The following KCNK12 variants were observed in gnomAD, a reference collection of about 807,000 sequenced individuals.
KCNK12 encodes the protein potassium two pore domain channel subfamily K member 12, also known as potassium channel subfamily K member 12.
In KCNK12, 6 loss-of-function variants were observed where a neutral mutation model predicts 25.3. The observed-to-expected ratio is 0.24, with a 90% CI of 0.13 to 0.47. The LOEUF (loss-of-function observed/expected upper bound fraction) is 0.47. Among genes scored for constraint, KCNK12 ranks in the 20% least tolerant of loss-of-function variants. The pLI, the probability that KCNK12 is intolerant of heterozygous loss-of-function variation, is 0.99. For synonymous variants in KCNK12, 331 were observed against 311.1 expected, an observed-to-expected ratio of 1.06 and a Z score of -0.67; for missense variants, 444 against 661.7, an observed-to-expected ratio of 0.67 and a Z score of 3.61.
At position 47,566,798 on chromosome 2, in the gene KCNK12, G is replaced by C. The variant is rs1009464673; in HGVS notation, c.391+3143C>G. Reference sequence around the variant, plus strand: ...TCCCACCAATTATATGCATGAAATTGGTGGATATTGCACAACTTGGTTTCT... The same window carrying C: ...TCCCACCAATTATATGCATGAAATTCGTGGATATTGCACAACTTGGTTTCT... On this transcript the variant is annotated intron_variant, in intron 1 of 1. Coordinates refer to ENST00000327876, the MANE Select transcript of KCNK12 (RefSeq NM_022055.2). This position sits in a 1 kb window ranked among gnomAD's most constrained non-coding sequence, Gnocchi z 4.1. The C allele has an allele frequency of 6.6e-6, 1 of 152,082 alleles. No individual in the cohort carries two copies. Among genetic ancestry groups the C allele is most frequent in the Non-Finnish European group, 1.5e-5 (1 of 68,024 alleles). The allele number at this position is 152,082 out of a possible 1,614,324, so 9.4% of individuals were successfully genotyped here. A position where few individuals can be genotyped will look rare whatever the true frequency, so the allele number is the denominator to read the frequency against.
intron 1 of KCNK12, among the ~76,000 whole-genome samples, chr2:47,544,604 A>G (rs926271517): frequency 2.0e-5 from 3 of 152,226 alleles, no homozygotes; most frequent in African/African-American, 7.2e-5. Flanking sequence ...TAGGCTCAGT[A>G]TGAGCACTCT....
Position 47,509,488 on chromosome 2 carries a change from G to T in KCNK12, c.*11419C>A, listed in dbSNP as rs1668348221. On this transcript the variant is annotated 3_prime_UTR_variant, in exon 2 of 2. Coordinates refer to ENST00000327876, the MANE Select transcript of KCNK12 (RefSeq NM_022055.2). ...GGCTGCCAACACGTCAGTTGTATCA[G>T]CATTAGCTGGCTGGAGGTGGCCTGC... is the stretch of plus-strand genomic sequence containing the variant. 6.6e-6 allele frequency among the ~76,000 whole-genome samples: 1 copy of T among 152,236 alleles called. No homozygotes were observed. Among genetic ancestry groups the T allele is most frequent in the African/African-American group, 2.4e-5 (1 of 41,462 alleles).
At chr2:47,535,293 C>T (rs889220076) in intron 1 of KCNK12, 29 of 233,128 alleles carry the variant, frequency 1.2e-4, no homozygotes, top group Non-Finnish European at 1.7e-5. Flanking sequence ...CGACCTGCAC[C>T]TGCCCTATGG....
Position 47,512,411 on chromosome 2 carries a change from C to G in KCNK12, c.*8496G>C, listed in dbSNP as rs1397887500. 5 of 1,610,598 alleles carry G rather than the reference C, an allele frequency of 3.1e-6. No homozygotes were observed. The highest frequency in any genetic ancestry group is 4.2e-6 in the Non-Finnish European group (5 of 1,178,948). ...TTGCAGTCGGCCAGAGAGACAGAAC[C>G]AGGGCAGTGGTGAGCTCTCATGACC... On this transcript the variant is annotated 3_prime_UTR_variant, in exon 2 of 2. Transcript: ENST00000327876.
Position 47,569,130 on chromosome 2 carries a change from A to G in KCNK12, c.391+811T>C, listed in dbSNP as rs1248844640. 1.3e-5 allele frequency among the ~76,000 whole-genome samples: 2 copies of G among 152,182 alleles called. No homozygotes were observed. Among genetic ancestry groups the G allele is most frequent in the Non-Finnish European group, 2.9e-5 (2 of 68,040 alleles). On this transcript the variant is annotated intron_variant, in intron 1 of 1. Coordinates refer to ENST00000327876, the MANE Select transcript of KCNK12 (RefSeq NM_022055.2). The surrounding 1 kb of genome is among the most constrained non-coding windows in gnomAD (Gnocchi z 4.1). The stretch of plus-strand genomic sequence containing the variant: ...AAGGAGTATTGACACAGCATTCTTC[A>G]TAAGGTTGAGAAAACGTGAACTGTT...
rs1668545992 is a variant in KCNK12 at position 47,517,179 on chromosome 2, C to T, written c.*3728G>A. 2.6e-5 allele frequency: 4 copies of T among 152,126 alleles called. No homozygotes were observed. The highest frequency in any genetic ancestry group is 2.0e-4 in the Admixed American group (3 of 15,278). 9.4% of individuals were successfully genotyped at this position (152,126 alleles called of 1,614,324 possible). ...TGTAAAAAGTTACAGTAAGATCGAA[C>T]CACAGGGCCCGTCGCTCCTATGGTC... On this transcript the variant is annotated 3_prime_UTR_variant, in exon 2 of 2. Coordinates refer to ENST00000327876, the MANE Select transcript of KCNK12 (RefSeq NM_022055.2). This position sits in a 1 kb window ranked among gnomAD's most constrained non-coding sequence, Gnocchi z 4.1.
intron 1 of KCNK12, among the ~76,000 whole-genome samples, chr2:47,522,326 T>C (rs375121434): frequency 4.6e-5 from 7 of 152,334 alleles, no homozygotes; most frequent in Admixed American, 1.3e-4. Flanking sequence ...TTCAAAGATA[T>C]CTAGCTTCTT....
rs767773390 is a variant in KCNK12 at position 47,521,057 on chromosome 2, C to T, written c.1143G>A (p.Ser381=). ...ACAGCTGCTTCTGCAGCAGCGCCAG[C>T]GACACCTTGTTGGAGGCCGTGAGGT... ...MRDLTASNKV[S]LALLQKQLSE... Residue 381 remains serine, a synonymous_variant, in exon 2 of 2, where the codon TCG becomes TCA. Transcript: ENST00000327876. The T allele has an allele frequency of 1.4e-6, 2 of 1,390,464 alleles. No individual in the cohort carries two copies. The highest frequency in any genetic ancestry group is 6.2e-5 in the East Asian group (2 of 32,490). The allele number at this position is 1,390,464 out of a possible 1,614,324, so 86.1% of individuals were successfully genotyped here.
At chr2:47,535,727 A>C (rs114051757) in intron 1 of KCNK12, among the ~76,000 whole-genome samples, 1,898 of 151,812 alleles carry the variant, frequency 0.013, 18 homozygotes, top group Non-Finnish European at 0.019. Context: ...GCCCCACTCC[A>C]CCTCTTGAGG....
In KCNK12 at chr2:47,566,499, A is replaced by G. The variant is rs1669790099; in HGVS notation, c.391+3442T>C. The G allele has an allele frequency of 6.6e-6, 1 of 152,084 alleles. No individual in the cohort carries two copies. The highest frequency in any genetic ancestry group is 1.5e-5 in the Non-Finnish European group (1 of 68,010). 9.4% of individuals were successfully genotyped at this position (152,084 alleles called of 1,614,324 possible). On this transcript the variant is annotated intron_variant, in intron 1 of 1. Coordinates refer to ENST00000327876, the MANE Select transcript of KCNK12 (RefSeq NM_022055.2). The surrounding 1 kb of genome is among the most constrained non-coding windows in gnomAD (Gnocchi z 4.1). Reference sequence around the variant, plus strand: ...AGCAAGTGACTTCTGTCCTTAGACCACAGTTTGCCAGAAGTTCTCCTACTT... The same window carrying G: ...AGCAAGTGACTTCTGTCCTTAGACCGCAGTTTGCCAGAAGTTCTCCTACTT...
chr2:47,565,471 A>C lies in KCNK12; in HGVS notation c.391+4470T>G, dbSNP rs1016123857. On this transcript the variant is annotated intron_variant, in intron 1 of 1. Coordinates refer to ENST00000327876, the MANE Select transcript of KCNK12 (RefSeq NM_022055.2). The surrounding 1 kb of genome is among the most constrained non-coding windows in gnomAD (Gnocchi z 5.0). Reference sequence around the variant, plus strand: ...GTAGCAAGCTAAATTATGCAGTGCCAAAAGTGACAACTCTTATACCTACAC... The same window carrying C: ...GTAGCAAGCTAAATTATGCAGTGCCCAAAGTGACAACTCTTATACCTACAC... 6.6e-6 allele frequency: 1 copy of C among 152,244 alleles called. No homozygotes were observed. Among genetic ancestry groups the C allele is most frequent in the African/African-American group, 2.4e-5 (1 of 41,460 alleles). 9.4% of individuals were successfully genotyped at this position (152,244 alleles called of 1,614,324 possible). A position where few individuals can be genotyped will look rare whatever the true frequency, so the allele number is the denominator to read the frequency against.
chr2:47,532,141 C>G (rs975419166), intron 1 of KCNK12, among the ~76,000 whole-genome samples: 1 of 151,820 alleles, frequency 6.6e-6, no homozygotes, highest in Non-Finnish European at 1.5e-5. Context: ...ATTAGGGATA[C>G]AGCTTTAAAC....
chr2:47,530,667 T>G (rs1466241175), intron 1 of KCNK12, among the ~76,000 whole-genome samples: 1 of 152,206 alleles, frequency 6.6e-6, no homozygotes, highest in Non-Finnish European at 1.5e-5. Flanking sequence ...TTTTTTCCTC[T>G]CATGTTAACA....
intron 1 of KCNK12, among the ~76,000 whole-genome samples, chr2:47,561,091 G>C (rs1218965656): frequency 6.6e-6 from 1 of 152,138 alleles, no homozygotes; most frequent in African/African-American, 2.4e-5. Context: ...AGTGTGGCGG[G>C]ACCTGGCCTC....
chr2:47,527,592 TG>T (rs1274134075), intron 1 of KCNK12: 1 of 152,372 alleles, frequency 6.6e-6, no homozygotes, highest in Non-Finnish European at 1.5e-5. Context: ...CTCCACTCTC[TG>T]GGGGCCTCTT....
rs1384909990 is a variant in KCNK12, at chr2:47,517,814, C to G, written c.*3093G>C. The G allele has an allele frequency of 1.3e-5, 2 of 152,132 alleles. No individual in the cohort carries two copies. Among genetic ancestry groups the G allele is most frequent in the Non-Finnish European group, 2.9e-5 (2 of 68,026 alleles). The allele number at this position is 152,132 out of a possible 1,614,324, so 9.4% of individuals were successfully genotyped here. A position where few individuals can be genotyped will look rare whatever the true frequency, so the allele number is the denominator to read the frequency against. ...TCCTCAGCTCTGAGAAGGCTGCTAG[C>G]CAAGACTCTGGATTCTCTGTGGCCA... On this transcript the variant is annotated 3_prime_UTR_variant, in exon 2 of 2. Coordinates refer to ENST00000327876, the MANE Select transcript of KCNK12 (RefSeq NM_022055.2). This position sits in a 1 kb window ranked among gnomAD's most constrained non-coding sequence, Gnocchi z 4.1.
Position 47,562,090 on chromosome 2 carries a change from G to A in KCNK12, c.391+7851C>T, listed in dbSNP as rs1456091015. 8 of 398,464 alleles carry A rather than the reference G, an allele frequency of 2.0e-5. No homozygotes were observed. The highest frequency in any genetic ancestry group is 8.8e-5 in the Admixed American group (2 of 22,714). 24.7% of individuals were successfully genotyped at this position (398,464 alleles called of 1,614,324 possible). On this transcript the variant is annotated intron_variant, in intron 1 of 1. Coordinates refer to ENST00000327876, the MANE Select transcript of KCNK12 (RefSeq NM_022055.2). This position sits in a 1 kb window ranked among gnomAD's most constrained non-coding sequence, Gnocchi z 4.8. ...TCACCGCTGTTCTCTCTACCCTAGCGACTCCAAGTGCATCAGCATAGGCAT... is the reference window on the plus strand; with the variant it reads ...TCACCGCTGTTCTCTCTACCCTAGCAACTCCAAGTGCATCAGCATAGGCAT...
intron 1 of KCNK12, chr2:47,564,427 A>G (rs1289021780): frequency 8.9e-6 from 2 of 224,594 alleles, no homozygotes; most frequent in Non-Finnish European, 1.8e-5. Flanking sequence ...AAATAGCCCC[A>G]AACTGGGAAA....
intron 1 of KCNK12, among the ~76,000 whole-genome samples, chr2:47,534,313 CG>C (rs1669003061): frequency 1.3e-5 from 2 of 151,970 alleles, no homozygotes; most frequent in South Asian, 4.2e-4. Flanking sequence ...TATTAAAAGC[CG>C]GTTAACCACT....
Sources: gnomAD v4.1 joint callset for allele counts (sites outside exome capture counted in the v4.1 genomes callset) on GRCh38, gnomAD v4.1.1 for gene constraint, Gnocchi (gnomAD v3.1) non-coding constraint, MANE v1.5 for transcripts, NCBI Gene and HGNC (gene_info 2026-07-23, HGNC 2026-07-21) for gene names.